Variants in HOPX observed in about 807,000 individuals in gnomAD.
HOPX encodes homeodomain-only protein.
A neutral mutation model predicts 11.8 loss-of-function variants in HOPX; 5 were observed. The observed-to-expected ratio is 0.43, with a 90% CI of 0.22 to 0.89. The LOEUF (loss-of-function observed/expected upper bound fraction) is 0.89, where lower values mean the gene tolerates loss of function less well. Ranked by LOEUF, HOPX falls within the 40% of genes least tolerant of loss-of-function variation. HOPX has a pLI of 0.28. For synonymous variants in HOPX, 49 were observed against 49.7 expected, an observed-to-expected ratio of 0.99 and a Z score of 0.06; for missense variants, 119 against 120.0, an observed-to-expected ratio of 0.99 and a Z score of 0.04.
At chr4:56,665,988 C>T (rs1250294386) in intron 1 of HOPX, among the ~76,000 whole-genome samples, 1 of 152,032 alleles carries the variant, frequency 6.6e-6, no homozygotes, top group African/African-American at 2.4e-5. Flanking sequence ...CAGGTGGGCT[C>T]GAGGAACAGA....
At chr4:56,681,507 A>T (rs909731210), upstream of HOPX, 4 of 998,614 alleles carry the variant, frequency 4.0e-6, no homozygotes, top group African/African-American at 7.0e-5. Flanking sequence ...TGAGAGTCTC[A>T]TGGAACTTTC....
chr4:56,655,858 T>G lies in HOPX; in HGVS notation c.197A>C (p.Gln66Pro). 1 of 1,610,544 alleles carries G rather than the reference T, an allele frequency of 6.2e-7. No homozygotes were observed. Among genetic ancestry groups the G allele is most frequent in the Admixed American group, 1.7e-5 (1 of 59,694 alleles). Residue 66 changes from glutamine (Q) to proline (P), a missense_variant and splice_region_variant, in exon 3 of 4, where the codon CAG becomes CCG. Physicochemically the swap from Gln to Pro is moderately conservative, Grantham distance 76 (BLOSUM62 -1). Coordinates refer to ENST00000420433, the MANE Select transcript of HOPX (RefSeq NM_032495.6). The stretch of plus-strand genomic sequence containing the variant: ...CGCTGGGCGCGTGTGGGGACGCACC[T>G]GGGTCTCCTCCTCGGAAAGGCCTGC... Reference protein sequence around the residue: ...AEAGLSEEETQKWFKQRLAKW... With the variant: ...AEAGLSEEETPKWFKQRLAKW...
intron 2 of HOPX, chr4:56,656,264 G>GC (rs1717719731): frequency 1.1e-5 from 13 of 1,164,964 alleles, no homozygotes; most frequent in African/African-American, 4.9e-5. Flanking sequence ...CGCCTCCCGC[G>GC]CCCCCCGGGA....
chr4:56,651,744 T>C (rs993999825), intron 3 of HOPX, among the ~76,000 whole-genome samples: 4 of 152,216 alleles, frequency 2.6e-5, no homozygotes, highest in East Asian at 3.9e-4. Flanking sequence ...CTAAAACCAC[T>C]GGGTTCTGGG....
chr4:56,672,538 TAAAAA>T (rs879443998), intron 1 of HOPX: 1 of 138,706 alleles, frequency 7.2e-6, no homozygotes, highest in East Asian at 2.0e-4. Flanking sequence ...AACTTTGTCT[TAAAAA>T]AAAAAAAAGA....
intron 3 of HOPX, among the ~76,000 whole-genome samples, chr4:56,653,877 T>C (rs1717433126): frequency 6.6e-6 from 1 of 152,176 alleles, no homozygotes; most frequent in African/African-American, 2.4e-5. Flanking sequence ...AAAAAGCAGG[T>C]GCCCTTTTCT....
chr4:56,671,891 T>C (rs73818220), intron 1 of HOPX, among the ~76,000 whole-genome samples: 1 of 152,072 alleles, frequency 6.6e-6, no homozygotes, highest in African/African-American at 2.4e-5. Flanking sequence ...GCTTTAGACG[T>C]CCATTTCATC....
chr4:56,657,849 G>A lies in HOPX; in HGVS notation c.-33C>T. ...CTAACTTTCTGAATGTTGCCCAGCT[G>A]GTGACCTGTGCTCCGCTAGACCCTT... On this transcript the variant is annotated 5_prime_UTR_variant, in exon 2 of 4. Coordinates refer to ENST00000420433, the MANE Select transcript of HOPX (RefSeq NM_032495.6). The A allele has an allele frequency of 6.5e-7, 1 of 1,549,374 alleles. No individual in the cohort carries two copies. Among genetic ancestry groups the A allele is most frequent in the Non-Finnish European group, 8.7e-7 (1 of 1,144,850 alleles).
At chr4:56,675,067 A>G (rs1414033261) in intron 1 of HOPX, among the ~76,000 whole-genome samples, 1 of 151,614 alleles carries the variant, frequency 6.6e-6, no homozygotes, top group Non-Finnish European at 1.5e-5. Context: ...AGCATGGCCA[A>G]ATAAGAGGCT....
intron 3 of HOPX, among the ~76,000 whole-genome samples, chr4:56,652,960 T>C (rs1717351647): frequency 1.3e-5 from 2 of 152,220 alleles, no homozygotes; most frequent in Admixed American, 6.5e-5. Context: ...TAAACAAAAA[T>C]AATTTTAATG....
At chr4:56,656,225 G>T in intron 2 of HOPX, 1 of 1,143,812 alleles carries the variant, frequency 8.7e-7, no homozygotes, top group Non-Finnish European at 1.1e-6. Flanking sequence ...GAGCGCTGTT[G>T]CGGGCTGACG....
At chr4:56,667,910 G>A (rs1342730368) in intron 1 of HOPX, among the ~76,000 whole-genome samples, 3 of 152,126 alleles carry the variant, frequency 2.0e-5, no homozygotes, top group Admixed American at 6.5e-5. Flanking sequence ...TCTGATGTAC[G>A]CCTGTTGTAC....
chr4:56,657,679 G>C, intron 2 of HOPX, 96 bp downstream of exon 2: 2 of 720,878 alleles, frequency 2.8e-6, no homozygotes, highest in East Asian at 2.7e-5. Flanking sequence ...GCAGGAGAGG[G>C]TCATACCAGG....
intron 1 of HOPX, chr4:56,664,143 T>G (rs745431273): frequency 3.3e-5 from 5 of 152,034 alleles, no homozygotes; most frequent in Non-Finnish European, 5.9e-5. Context: ...ATTCTTTTTT[T>G]TTTTTGAGAT....
At chr4:56,678,584 T>G (rs1195005817) in intron 1 of HOPX, among the ~76,000 whole-genome samples, 2 of 151,830 alleles carry the variant, frequency 1.3e-5, no homozygotes, top group Non-Finnish European at 2.9e-5. Flanking sequence ...TAGCTGGGAT[T>G]ACAGGCGCTC....
intron 1 of HOPX, among the ~76,000 whole-genome samples, chr4:56,667,226 G>T (rs1288448390): frequency 6.6e-6 from 1 of 151,584 alleles, no homozygotes; most frequent in East Asian, 1.9e-4. Context: ...TGACATAAAA[G>T]CATAAGGTTC....
intron 3 of HOPX, 58 bp downstream of exon 3, chr4:56,655,799 G>T (rs1717635559): frequency 6.5e-7 from 1 of 1,534,926 alleles, no homozygotes. Flanking sequence ...CCGCCCAGCC[G>T]CGAGAAGGCT....
intron 1 of HOPX, among the ~76,000 whole-genome samples, chr4:56,666,961 A>C (rs1485695144): frequency 6.6e-6 from 1 of 152,236 alleles, no homozygotes; most frequent in East Asian, 1.9e-4. Context: ...GAAATTTAAT[A>C]AGTTATTTAA....
At chr4:56,655,450 T>C (rs1335084604) in intron 3 of HOPX, among the ~76,000 whole-genome samples, 1 of 152,154 alleles carries the variant, frequency 6.6e-6, no homozygotes, top group East Asian at 1.9e-4. Context: ...CTAGAATAGA[T>C]CTTCCCGAAG....
Sources: gnomAD v4.1 joint callset for allele counts (sites outside exome capture counted in the v4.1 genomes callset) on GRCh38, gnomAD v4.1.1 for gene constraint, MANE v1.5 for transcripts, NCBI Gene and HGNC (gene_info 2026-07-23, HGNC 2026-07-21) for gene names.